Variants in THEMIS observed in about 807,000 individuals in gnomAD.
THEMIS encodes the protein protein THEMIS.
In THEMIS, 37 loss-of-function variants were observed where a neutral mutation model predicts 52.6. The ratio of observed to expected loss-of-function variants is 0.70; its 90% CI spans 0.54 to 0.93. The LOEUF (loss-of-function observed/expected upper bound fraction) is 0.93. Among genes scored for constraint, THEMIS ranks in the 40% least tolerant of loss-of-function variants. The probability of loss-of-function intolerance (pLI) is 0.00; values close to 1 mark genes in which losing one functional copy is unlikely to be tolerated. For synonymous variants in THEMIS, 292 were observed against 272.7 expected, an observed-to-expected ratio of 1.07 and a Z score of -0.70; for missense variants, 808 against 763.1, an observed-to-expected ratio of 1.06 and a Z score of -0.69.
chr6:127,783,174 C>T (rs1420371640), intron 4 of THEMIS, among the ~76,000 whole-genome samples: 1 of 152,180 alleles, frequency 6.6e-6, no homozygotes, highest in Non-Finnish European at 1.5e-5. Context: ...GTTGGGAAAA[C>T]TGGCTAGCCA....
intron 4 of THEMIS, among the ~76,000 whole-genome samples, chr6:127,737,416 G>T (rs1272265693): frequency 6.6e-6 from 1 of 152,134 alleles, no homozygotes; most frequent in Admixed American, 6.5e-5. Flanking sequence ...ACTCCAAGAG[G>T]CTGGTAAATG....
chr6:127,861,420 A>G (rs1472651143), intron 1 of THEMIS, among the ~76,000 whole-genome samples: 1 of 152,094 alleles, frequency 6.6e-6, no homozygotes, highest in Non-Finnish European at 1.5e-5. Flanking sequence ...GTTATTATCT[A>G]TTTCCCTAAC....
chr6:127,794,726 T>C (rs954695723), intron 4 of THEMIS, among the ~76,000 whole-genome samples: 4 of 152,236 alleles, frequency 2.6e-5, no homozygotes, highest in Non-Finnish European at 4.4e-5. Context: ...AATGTCATCT[T>C]CTCAGTAAGG....
intron 4 of THEMIS, among the ~76,000 whole-genome samples, chr6:127,795,709 G>C (rs1777309482): frequency 6.6e-6 from 1 of 152,096 alleles, no homozygotes; most frequent in African/African-American, 2.4e-5. Flanking sequence ...AGTAATTACT[G>C]ATAAGAAAAA....
chr6:127,892,208 C>G (rs1333115595), intron 1 of THEMIS, among the ~76,000 whole-genome samples: 1 of 152,180 alleles, frequency 6.6e-6, no homozygotes, highest in Non-Finnish European at 1.5e-5. Context: ...CCTTCAGCAC[C>G]ACTGGGCTGC....
intron 5 of THEMIS, among the ~76,000 whole-genome samples, chr6:127,711,649 G>A (rs2114454606): frequency 6.6e-6 from 1 of 152,032 alleles, no homozygotes; most frequent in Admixed American, 6.6e-5. Context: ...ACCATATACT[G>A]TAGAATATAC....
rs948482548 is a variant in THEMIS at position 127,709,737 on chromosome 6, C to T, written c.*248G>A. 2.3e-5 allele frequency: 8 copies of T among 349,442 alleles called. No homozygotes were observed. Among genetic ancestry groups the T allele is most frequent in the East Asian group, 8.7e-5 (2 of 22,992 alleles). 21.6% of individuals were successfully genotyped at this position (349,442 alleles called of 1,614,324 possible). On this transcript the variant is annotated 3_prime_UTR_variant, in exon 6 of 6. Transcript: ENST00000368248. ...AAAAAATGTGCAAGTTAAATAAATA[C>T]GTCCTAAAGAACAACAACACAATGC...
intron 1 of THEMIS, among the ~76,000 whole-genome samples, chr6:127,863,663 C>A (rs1779880750): frequency 6.6e-6 from 1 of 152,172 alleles, no homozygotes; most frequent in South Asian, 2.1e-4. Flanking sequence ...CCACAACTTA[C>A]ATGGATGTGA....
chr6:127,710,749 A>G (rs1011062488), intron 5 of THEMIS, among the ~76,000 whole-genome samples: 9 of 151,954 alleles, frequency 5.9e-5, no homozygotes, highest in South Asian at 2.1e-4. Context: ...TGGATGGGTA[A>G]TTAAAAGAAG....
chr6:127,825,063 A>G (rs1202213056), intron 3 of THEMIS, among the ~76,000 whole-genome samples: 2 of 152,340 alleles, frequency 1.3e-5, no homozygotes, highest in East Asian at 3.9e-4. Context: ...AAAATATGAT[A>G]ACGAAAATTA....
At chr6:127,747,736 T>G (rs548778382) in intron 4 of THEMIS, among the ~76,000 whole-genome samples, 1 of 152,198 alleles carries the variant, frequency 6.6e-6, no homozygotes, top group East Asian at 1.9e-4. Context: ...CAAAAGAAGA[T>G]AGTGTTCATA....
intron 5 of THEMIS, among the ~76,000 whole-genome samples, chr6:127,710,483 A>G (rs1362843798): frequency 2.0e-5 from 3 of 151,976 alleles, no homozygotes; most frequent in Non-Finnish European, 2.9e-5. Flanking sequence ...CCTGAATAGA[A>G]TGCAAGCCTA....
chr6:127,910,804 T>C (rs1781393462), intron 1 of THEMIS, among the ~76,000 whole-genome samples: 1 of 152,150 alleles, frequency 6.6e-6, no homozygotes, highest in Non-Finnish European at 1.5e-5. Context: ...TTAGCTAAAC[T>C]TCATACTTCA....
chr6:127,764,030 A>G (rs1425889473), intron 4 of THEMIS, among the ~76,000 whole-genome samples: 4 of 151,978 alleles, frequency 2.6e-5, no homozygotes, highest in Non-Finnish European at 4.4e-5. Flanking sequence ...TAAGGAAGAA[A>G]CAAATGAGAG....
chr6:127,915,320 T>C (rs905269033), intron 1 of THEMIS, among the ~76,000 whole-genome samples: 2 of 152,186 alleles, frequency 1.3e-5, no homozygotes, highest in African/African-American at 2.4e-5. Context: ...CTAAAGACCA[T>C]ATATGTAATT....
intron 1 of THEMIS, among the ~76,000 whole-genome samples, chr6:127,911,057 G>A (rs77656645): frequency 0.022 from 3,237 of 147,292 alleles, 81 homozygotes; most frequent in Non-Finnish European, 0.034. Flanking sequence ...TATGGGTTTG[G>A]GGAGGAAGAC....
chr6:127,911,789 G>C (rs802707), intron 1 of THEMIS, among the ~76,000 whole-genome samples: 60,888 of 151,136 alleles, frequency 0.4, 13,590 homozygotes, highest in Non-Finnish European at 0.51. Flanking sequence ...AAGCCTTATG[G>C]AGAACTTTGC....
intron 4 of THEMIS, among the ~76,000 whole-genome samples, chr6:127,734,426 T>C (rs369149004): frequency 1.3e-5 from 2 of 152,174 alleles, no homozygotes; most frequent in African/African-American, 4.8e-5. Context: ...GGTCCTGAGT[T>C]AACGGTTGAT....
At position 127,775,819 on chromosome 6, in the gene THEMIS, C is replaced by T. The variant is rs78955858; in HGVS notation, c.1758+37064G>A. Among the ~76,000 whole-genome samples, 694 of 151,918 alleles carry T rather than the reference C, an allele frequency of 4.6e-3. 6 individuals carry two copies. The highest frequency in any genetic ancestry group is 0.016 in the African/African-American group (664 of 41,432). ...TTTTTTGTAAAATGGTTGTTCAAAC[C>T]TTTCTCTCTCTTTTTAATCATTTAT... On this transcript the variant is annotated intron_variant, in intron 4 of 5. Transcript: ENST00000368248.
Sources: gnomAD v4.1 joint callset for allele counts (sites outside exome capture counted in the v4.1 genomes callset) on GRCh38, gnomAD v4.1.1 for gene constraint, MANE v1.5 for transcripts, NCBI Gene and HGNC (gene_info 2026-07-23, HGNC 2026-07-21) for gene names.